Variants in SRFBP1 observed in about 807,000 individuals in gnomAD.
SRFBP1 encodes the protein serum response factor-binding protein 1.
Under a neutral mutation model 45.5 loss-of-function variants are expected in SRFBP1, and 47 were observed. The ratio of observed to expected loss-of-function variants is 1.03; its 90% confidence interval spans 0.82 to 1.32. SRFBP1 has a LOEUF of 1.32. Among genes scored for constraint, SRFBP1 ranks in the 40% most tolerant of loss-of-function variants. SRFBP1 has a pLI of 0.00. For missense variants in SRFBP1, 621 were observed against 484.6 expected, an observed-to-expected ratio of 1.28 and a Z score of -2.64; for synonymous variants, 203 against 166.3, an observed-to-expected ratio of 1.22 and a Z score of -1.70.
rs1242538342 is a variant in SRFBP1, at chr5:122,020,223, CTG to C, written c.490_491del (p.Val164HisfsTer3). ...GGAAGTAATTTACAGCGTGAAGCAA[CTG>C]TCATCAGTGAGCAAAAAGTCAAAGA... On this transcript the variant is annotated frameshift_variant, in exon 6 of 8. Transcript: ENST00000339397. LOFTEE classifies it high-confidence loss of function. 3 of 1,613,278 alleles carry C rather than the reference CTG, an allele frequency of 1.9e-6. No individual in the cohort carries two copies. Among genetic ancestry groups the C allele is most frequent in the East Asian group, 2.2e-5 (1 of 44,872 alleles).
chr5:121,973,553 T>TA (rs977981772), intron 1 of SRFBP1, among the ~76,000 whole-genome samples: 14 of 149,502 alleles, frequency 9.4e-5, no homozygotes, highest in African/African-American at 3.4e-4. Flanking sequence ...TTCTTAGAGT[T>TA]AAACATTGTT....
At chr5:122,077,952 G>T (rs529787826), downstream of SRFBP1, 1 of 1,478,924 alleles carries the variant, frequency 6.8e-7, no homozygotes. The surrounding 1 kb of genome is among the most constrained non-coding windows in gnomAD (Gnocchi z 4.9). Context: ...AGCTGCAAAG[G>T]CCCGAGCAGG....
Position 122,034,754 on chromosome 5 carries a change from T to A in SRFBP1, n.311+12347T>A, listed in dbSNP as rs76699263. 5.0e-3 allele frequency among the ~76,000 whole-genome samples: 763 copies of A among 152,210 alleles called. 10 individuals are homozygous for A. The highest frequency in any genetic ancestry group is 0.017 in the African/African-American group (720 of 41,534). On this transcript the variant is annotated intron_variant and non_coding_transcript_variant, in intron 2 of 2. Transcript: ENST00000504881. ...GTCATTTTTTTGTTTGAATAAAGTT[T>A]ATTTTCTAGCAGATTTCTTAAAAAA...
chr5:122,037,379 G>A (rs1753710582), intron 2 of SRFBP1, among the ~76,000 whole-genome samples: 1 of 152,220 alleles, frequency 6.6e-6, no homozygotes, highest in African/African-American at 2.4e-5. Context: ...ATTGTCGCAG[G>A]CTAACTTTGT....
intron 3 of SRFBP1, among the ~76,000 whole-genome samples, chr5:121,982,040 TG>T (rs1028719685): frequency 6.6e-6 from 1 of 151,900 alleles, no homozygotes; most frequent in African/African-American, 2.4e-5. Context: ...TGGAATACTA[TG>T]GAACTGTTAC....
intron 2 of SRFBP1, among the ~76,000 whole-genome samples, chr5:122,051,311 T>G (rs1753970396): frequency 1.3e-5 from 2 of 152,148 alleles, no homozygotes; most frequent in Non-Finnish European, 2.9e-5. Context: ...AATATCTTTG[T>G]TATTTTTCTG....
At position 122,059,088 on chromosome 5, in the gene SRFBP1, A is replaced by G. The variant is rs969391241; in HGVS notation, n.312-16227A>G. Among the ~76,000 whole-genome samples the G allele has an allele frequency of 2.6e-5, 4 of 152,286 alleles. No individual in the cohort carries two copies. The East Asian group carries it at 5.8e-4, about 22-fold the overall frequency. On this transcript the variant is annotated intron_variant and non_coding_transcript_variant, in intron 2 of 2. Transcript: ENST00000504881. ...ATTGTGAAAACCTAAACATGAGGAC[A>G]GAGAAAAGAAGAGTATGTCGTTTTT...
intron 3 of SRFBP1, among the ~76,000 whole-genome samples, chr5:121,984,769 G>A (rs4312911): frequency 0.99 from 149,648 of 151,850 alleles, 73,773 homozygotes; most frequent in Middle Eastern, 1. Context: ...GCTAAAACTA[G>A]TAATGACAGA....
intron 2 of SRFBP1, among the ~76,000 whole-genome samples, chr5:122,035,451 C>A (rs1753677693): frequency 6.6e-6 from 1 of 152,190 alleles, no homozygotes; most frequent in African/African-American, 2.4e-5. Context: ...TTTATGGCAA[C>A]CCCATCTTCC....
chr5:122,058,663 C>T (rs1029340549), intron 2 of SRFBP1, among the ~76,000 whole-genome samples: 4 of 151,968 alleles, frequency 2.6e-5, no homozygotes, highest in Non-Finnish European at 5.9e-5. Flanking sequence ...AGCTAACACA[C>T]TTCCCCTTAA....
At chr5:121,990,183 A>G (rs922621685) in intron 3 of SRFBP1, among the ~76,000 whole-genome samples, 3 of 152,160 alleles carry the variant, frequency 2.0e-5, no homozygotes, top group Admixed American at 1.3e-4. Context: ...GTGCCCATCA[A>G]TGGTAGATTG....
chr5:122,058,750 G>A (rs1200856265), intron 2 of SRFBP1, among the ~76,000 whole-genome samples: 2 of 152,036 alleles, frequency 1.3e-5, no homozygotes, highest in Non-Finnish European at 2.9e-5. Context: ...TGTTGTTGGG[G>A]CATTTGATTT....
intron 4 of SRFBP1, 105 bp downstream of exon 4, chr5:121,994,775 GTAAT>G: frequency 1.4e-6 from 1 of 702,246 alleles, no homozygotes; most frequent in East Asian, 3.1e-5. Context: ...CTATTAGTTT[GTAAT>G]TAGTTTTCCT....
intron 4 of SRFBP1, among the ~76,000 whole-genome samples, chr5:121,997,823 A>G (rs1752763346): frequency 6.6e-6 from 1 of 151,716 alleles, no homozygotes; most frequent in South Asian, 2.1e-4. Context: ...TGACAAGAAA[A>G]AAACAAACAA....
downstream of SRFBP1, chr5:122,077,849 A>T (rs1230077744): frequency 3.2e-6 from 5 of 1,546,938 alleles, no homozygotes; most frequent in Non-Finnish European, 4.3e-6. The surrounding 1 kb of genome is among the most constrained non-coding windows in gnomAD (Gnocchi z 4.9). Context: ...CTCCCATTGG[A>T]TCTGCTGGCG....
At chr5:121,994,801 A>G in intron 4 of SRFBP1, 131 bp downstream of exon 4, 1 of 571,422 alleles carries the variant, frequency 1.8e-6, no homozygotes, top group Non-Finnish European at 3.0e-6. Flanking sequence ...ACTGAACTCC[A>G]TTACTGCCAC....
intron 2 of SRFBP1, among the ~76,000 whole-genome samples, chr5:122,040,850 G>A (rs1352365743): frequency 1.3e-5 from 2 of 152,082 alleles, no homozygotes; most frequent in Non-Finnish European, 2.9e-5. Flanking sequence ...TCTGTTCAAA[G>A]GTCATCTTGT....
Position 122,027,257 on chromosome 5 carries a change from C to A in SRFBP1, c.*131C>A. 2 of 696,240 alleles carry A rather than the reference C, an allele frequency of 2.9e-6. No homozygotes were observed. Among genetic ancestry groups the A allele is most frequent in the Non-Finnish European group, 4.6e-6 (2 of 433,844 alleles). 43.1% of individuals were successfully genotyped at this position (696,240 alleles called of 1,614,324 possible). ...CTCACTGCAGCCTCAAACTCCTGGG[C>A]TCAAGTGATCCTCCCACCTCTGCCT... is the stretch of plus-strand genomic sequence containing the variant. On this transcript the variant is annotated 3_prime_UTR_variant, in exon 8 of 8. Transcript: ENST00000339397.
chr5:121,994,179 T>C (rs1580512807), intron 3 of SRFBP1, among the ~76,000 whole-genome samples: 1 of 152,166 alleles, frequency 6.6e-6, no homozygotes, highest in East Asian at 1.9e-4. Context: ...TAGTTGTGTT[T>C]TATTTGATGC....
Sources: gnomAD v4.1 joint callset for allele counts (sites outside exome capture counted in the v4.1 genomes callset) on GRCh38, gnomAD v4.1.1 for gene constraint, Gnocchi (gnomAD v3.1) non-coding constraint, MANE v1.5 for transcripts, NCBI Gene and HGNC (gene_info 2026-07-23, HGNC 2026-07-21) for gene names.